ASXL3: variants seen among roughly 807,000 people sequenced by gnomAD.
The protein encoded by ASXL3 is putative Polycomb group protein ASXL3.
A neutral mutation model predicts 170.6 loss-of-function variants in ASXL3; 34 were observed. That is an observed-to-expected ratio of 0.20 (90% CI 0.15 to 0.27). The LOEUF (loss-of-function observed/expected upper bound fraction) is 0.27. Ranked by LOEUF, ASXL3 falls within the 10% of genes least tolerant of loss-of-function variation. The pLI is 1.00. For missense variants in ASXL3, 2,592 were observed against 2,695.3 expected (o/e 0.96, Z 0.85); for synonymous variants, 1,002 against 989.1 (o/e 1.01, Z -0.24).
intron 8 of ASXL3, among the ~76,000 whole-genome samples, chr18:33,693,821 T>C (rs188435190): frequency 1.1e-3 from 161 of 152,242 alleles, no homozygotes; most frequent in African/African-American, 3.8e-3. Flanking sequence ...TTGAAGGAGT[T>C]GATGGATTTT....
chr18:33,693,873 G>T (rs1171093528), intron 8 of ASXL3, among the ~76,000 whole-genome samples: 1 of 152,160 alleles, frequency 6.6e-6, no homozygotes, highest in African/African-American at 2.4e-5. Context: ...AGATGTGGTT[G>T]ATTATGAGGT....
At chr18:33,617,601 C>G (rs530654155) in intron 2 of ASXL3, among the ~76,000 whole-genome samples, 69 of 152,102 alleles carry the variant, frequency 4.5e-4, no homozygotes, top group Non-Finnish European at 7.2e-4. Context: ...ATATTGATGC[C>G]TCAAGGCATC....
chr18:33,669,564 A>G (rs16964847), intron 5 of ASXL3, among the ~76,000 whole-genome samples: 3,037 of 152,280 alleles, frequency 0.02, 107 homozygotes, highest in African/African-American at 0.069. Flanking sequence ...TGATTGCTAA[A>G]TCTTATGGTT....
intron 2 of ASXL3, among the ~76,000 whole-genome samples, chr18:33,632,858 G>A (rs1200287996): frequency 6.6e-6 from 1 of 152,112 alleles, no homozygotes; most frequent in African/African-American, 2.4e-5. Context: ...CCTTGTTAAA[G>A]TCCTCTGGGG....
At chr18:33,643,636 G>A (rs183570415) in intron 2 of ASXL3, among the ~76,000 whole-genome samples, 1 of 151,948 alleles carries the variant, frequency 6.6e-6, no homozygotes, top group East Asian at 1.9e-4. Context: ...TATTAAGTGT[G>A]TTCTGGCAAT....
intron 8 of ASXL3, among the ~76,000 whole-genome samples, chr18:33,697,749 A>G (rs2066795452): frequency 6.6e-6 from 1 of 152,058 alleles, no homozygotes; most frequent in African/African-American, 2.4e-5. Context: ...CATGCCTGTA[A>G]TCCTAGCACT....
chr18:33,738,775 G>A lies in ASXL3; in HGVS notation c.1371G>A (p.Glu457=). The A allele has an allele frequency of 6.2e-7, 1 of 1,613,862 alleles. No homozygotes were observed. Among genetic ancestry groups the A allele is most frequent in the Non-Finnish European group, 8.5e-7 (1 of 1,179,866 alleles). ...TAATTCAGGAGGAAATTGCAGAAGA[G>A]GTAGAGACTAGTATCTGTGAATGCC... The part of the protein sequence containing the change: ...ESVIQEEIAE[E]VETSICECQD... Residue 457 remains glutamate, a synonymous_variant, in exon 11 of 12, where the codon GAG becomes GAA. Transcript: ENST00000269197.
intron 8 of ASXL3, among the ~76,000 whole-genome samples, chr18:33,690,684 C>T (rs2066673034): frequency 6.6e-6 from 1 of 152,166 alleles, no homozygotes; most frequent in South Asian, 2.1e-4. Flanking sequence ...ACTTCTCCGA[C>T]AGTGAGAAAC....
intron 8 of ASXL3, among the ~76,000 whole-genome samples, chr18:33,697,833 G>C (rs1397071264): frequency 9.7e-6 from 1 of 102,974 alleles, no homozygotes; most frequent in Non-Finnish European, 2.0e-5. Context: ...ATGAGACTCT[G>C]TCTCTCAAAA....
chr18:33,730,242 T>C (rs2067420773), intron 8 of ASXL3, among the ~76,000 whole-genome samples: 1 of 152,018 alleles, frequency 6.6e-6, no homozygotes. Context: ...ATGCCCCCAC[T>C]AAAAAGAATT....
intron 1 of ASXL3, among the ~76,000 whole-genome samples, chr18:33,586,473 TTTC>T (rs2065035701): frequency 6.6e-6 from 1 of 152,138 alleles, no homozygotes; most frequent in South Asian, 2.1e-4. Context: ...TTCTTCTTCA[TTTC>T]TTGTCTCTCT....
intron 2 of ASXL3, among the ~76,000 whole-genome samples, chr18:33,636,609 A>G (rs2065770276): frequency 6.6e-6 from 1 of 152,062 alleles, no homozygotes; most frequent in African/African-American, 2.4e-5. Flanking sequence ...GGGCTTTGTG[A>G]TGCATCAGTC....
chr18:33,607,793 A>T (rs1253737467), intron 2 of ASXL3, 117 bp downstream of exon 2: 2 of 777,996 alleles, frequency 2.6e-6, no homozygotes, highest in Admixed American at 5.7e-5. Flanking sequence ...TTAACTCCCC[A>T]CAAATTCTTT....
intron 2 of ASXL3, among the ~76,000 whole-genome samples, chr18:33,609,232 G>C (rs1325586882): frequency 6.6e-6 from 1 of 151,886 alleles, no homozygotes. Flanking sequence ...CATTTAGAAA[G>C]CACTGAAAAT....
Position 33,661,636 on chromosome 18 carries a change from G to C in ASXL3, c.376G>C (p.Asp126His). 1 of 1,611,502 alleles carries C rather than the reference G, an allele frequency of 6.2e-7. No individual in the cohort carries two copies. The change falls in exon 5 of 12, where the codon GAT (aspartate) becomes CAT (histidine). Residue 126 changes from aspartate (D) to histidine (H), a missense_variant. Physicochemically the swap from Asp to His is moderately conservative, Grantham distance 81. This residue lies in a region of ASXL3 where 251 missense variants were observed against 281.9 expected (regional missense o/e 0.89). Coordinates refer to ENST00000269197, the MANE Select transcript of ASXL3 (RefSeq NM_030632.3). ...TCTAGTTTGTTCGAAGCAGGTAACT[G>C]ATGAAGCATCTTCCACTCGAGATTC... ...ENGVCSKQVT[D>H]EASSTRDSSL...
At chr18:33,675,356 A>G (rs968171286) in intron 7 of ASXL3, among the ~76,000 whole-genome samples, 1 of 151,936 alleles carries the variant, frequency 6.6e-6, no homozygotes, top group African/African-American at 2.4e-5. Flanking sequence ...TCCCTCTTCT[A>G]TTTTTTCCAC....
intron 7 of ASXL3, among the ~76,000 whole-genome samples, chr18:33,677,195 T>C (rs2066443208): frequency 6.6e-6 from 1 of 152,204 alleles, no homozygotes; most frequent in Admixed American, 6.5e-5. Flanking sequence ...GAGTGAAGAA[T>C]TATAGCTTTG....
At position 33,750,056 on chromosome 18, in the gene ASXL3, A is replaced by C. The variant is rs777126744; in HGVS notation, c.*3461A>C. On this transcript the variant is annotated 3_prime_UTR_variant, in exon 12 of 12. Coordinates refer to ENST00000269197, the MANE Select transcript of ASXL3 (RefSeq NM_030632.3). ...GGTTTTAGAAGCTGAAGCCAAGCCTAGGGTAGCATCGTCTGTACGGTGGTG... is the reference window on the plus strand; with the variant it reads ...GGTTTTAGAAGCTGAAGCCAAGCCTCGGGTAGCATCGTCTGTACGGTGGTG... The C allele has an allele frequency of 6.6e-6, 1 of 152,240 alleles. No individual in the cohort carries two copies. Among genetic ancestry groups the C allele is most frequent in the African/African-American group, 2.4e-5 (1 of 41,454 alleles). The allele number at this position is 152,240 out of a possible 1,614,324, so 9.4% of individuals were successfully genotyped here.
chr18:33,655,922 T>C (rs2066076615), intron 4 of ASXL3, among the ~76,000 whole-genome samples: 1 of 152,092 alleles, frequency 6.6e-6, no homozygotes, highest in South Asian at 2.1e-4. Context: ...GTAGAATTAA[T>C]GGTCTATATC....
Sources: allele counts gnomAD v4.1 joint callset (sites outside exome capture counted in the v4.1 genomes callset), GRCh38; gene constraint gnomAD v4.1.1; regional missense constraint gnomAD v4.1.1; transcripts MANE v1.5; gene names NCBI Gene and HGNC (gene_info 2026-07-23, HGNC 2026-07-21).